Variants in INSL6 observed in about 807,000 individuals in gnomAD.
The protein encoded by INSL6 is insulin-like peptide INSL6.
In INSL6, 16 loss-of-function variants were observed where a neutral mutation model predicts 9.4. The ratio of observed to expected loss-of-function variants is 1.70; its 90% CI spans 1.15 to 2.59. INSL6 has a LOEUF of 2.59. INSL6 is among the 30% of genes most tolerant of loss of function. The probability of loss-of-function intolerance (pLI) is 0.00; values close to 1 mark genes in which losing one functional copy is unlikely to be tolerated. For synonymous variants in INSL6, 154 were observed against 96.9 expected, an observed-to-expected ratio of 1.59 and a Z score of -3.46; for missense variants, 391 against 257.3, an observed-to-expected ratio of 1.52 and a Z score of -3.56.
chr9:5,149,075 C>T (rs1824659995), intron 2 of INSL6, among the ~76,000 whole-genome samples: 1 of 152,202 alleles, frequency 6.6e-6, no homozygotes, highest in Non-Finnish European at 1.5e-5. Context: ...AGTCAAAGGT[C>T]CCTAGCTCTG....
chr9:5,024,120 G>A, the INSL6 span, among the ~76,000 whole-genome samples: 1 of 152,220 alleles, frequency 6.6e-6, no homozygotes, highest in Middle Eastern at 3.4e-3. Flanking sequence ...GCCAGGTGTG[G>A]TGGTGGGCAC....
At chr9:5,029,820 G>C in the INSL6 span, 1 of 1,611,092 alleles carries the variant, frequency 6.2e-7, no homozygotes, top group Admixed American at 1.7e-5. Context: ...TTGCTTTAAT[G>C]AGTGAAACAG....
At chr9:5,010,286 A>G in the INSL6 span, among the ~76,000 whole-genome samples, 1 of 149,948 alleles carries the variant, frequency 6.7e-6, no homozygotes, top group African/African-American at 2.4e-5. Flanking sequence ...TTTAAGCCCT[A>G]CCATACACCG....
At chr9:5,042,373 A>G in the INSL6 span, among the ~76,000 whole-genome samples, 302 of 150,852 alleles carry the variant, frequency 2.0e-3, no homozygotes, top group Non-Finnish European at 2.8e-3. Context: ...TCCTGACCTC[A>G]TGATCCACCC....
At chr9:4,998,463 G>C in the INSL6 span, among the ~76,000 whole-genome samples, 1 of 151,994 alleles carries the variant, frequency 6.6e-6, no homozygotes, top group South Asian at 2.1e-4. Context: ...CACCATGTTG[G>C]TCAGGCTGGT....
At chr9:5,145,454 G>C (rs1824584013) in intron 2 of INSL6, among the ~76,000 whole-genome samples, 1 of 152,138 alleles carries the variant, frequency 6.6e-6, no homozygotes, top group Non-Finnish European at 1.5e-5. Context: ...TCTTCTTGTG[G>C]AGTATCTTAC....
At chr9:5,135,813 A>G (rs766152991) in intron 2 of INSL6, among the ~76,000 whole-genome samples, 16 of 151,326 alleles carry the variant, frequency 1.1e-4, no homozygotes, top group Non-Finnish European at 1.9e-4. Context: ...AAACCCTTCA[A>G]AAAAAATCAA....
downstream of INSL6, among the ~76,000 whole-genome samples, chr9:5,121,587 T>C (rs577010284): frequency 6.6e-6 from 1 of 152,144 alleles, no homozygotes; most frequent in East Asian, 1.9e-4. Flanking sequence ...TCCCAAGAGA[T>C]AGTTACACGT....
chr9:5,167,531 C>T (rs1586872900), intron 1 of INSL6, among the ~76,000 whole-genome samples: 1 of 152,330 alleles, frequency 6.6e-6, no homozygotes, highest in East Asian at 1.9e-4. Flanking sequence ...GGTGGGACTC[C>T]AATCCATTCC....
chr9:5,012,879 T>G, the INSL6 span, among the ~76,000 whole-genome samples: 6 of 152,060 alleles, frequency 3.9e-5, no homozygotes, highest in African/African-American at 1.2e-4. Context: ...TGTGGGAGAT[T>G]AGGTTATTGG....
chr9:5,071,750 C>A, the INSL6 span, among the ~76,000 whole-genome samples: 1 of 152,164 alleles, frequency 6.6e-6, no homozygotes, highest in African/African-American at 2.4e-5. Context: ...TAAAGACAAG[C>A]ATCTTCATGT....
the INSL6 span, among the ~76,000 whole-genome samples, chr9:5,080,892 C>CT: frequency 5.7e-3 from 544 of 95,580 alleles, 6 homozygotes; most frequent in Non-Finnish European, 8.1e-3. Context: ...AAGACCTTTT[C>CT]TTTTTTTTTT....
the INSL6 span, among the ~76,000 whole-genome samples, chr9:5,020,648 C>A: frequency 6.6e-6 from 1 of 152,180 alleles, no homozygotes; most frequent in Admixed American, 6.5e-5. Context: ...TGCATTTTGA[C>A]ACCTAGCGGC....
chr9:5,002,267 C>T, the INSL6 span, among the ~76,000 whole-genome samples: 1 of 151,960 alleles, frequency 6.6e-6, no homozygotes, highest in African/African-American at 2.4e-5. Flanking sequence ...TCTTTTCCAT[C>T]ATAAGCATTT....
the INSL6 span, among the ~76,000 whole-genome samples, chr9:5,035,593 A>AT: frequency 6.6e-4 from 100 of 152,370 alleles, 1 homozygote; most frequent in East Asian, 0.016. Flanking sequence ...GCAAATCAAT[A>AT]AACGTAATCC....
chr9:5,041,289 G>T, the INSL6 span: 5 of 971,212 alleles, frequency 5.1e-6, no homozygotes, highest in African/African-American at 6.4e-5. Context: ...GGGTACACTG[G>T]TCTCAGGACC....
chr9:5,061,536 C>T, the INSL6 span, among the ~76,000 whole-genome samples: 1 of 152,222 alleles, frequency 6.6e-6, no homozygotes. Flanking sequence ...AACTTTTCTT[C>T]TGCAGCTTCC....
intron 1 of INSL6, among the ~76,000 whole-genome samples, chr9:5,167,125 C>T (rs890349044): frequency 3.9e-5 from 6 of 152,180 alleles, no homozygotes; most frequent in Non-Finnish European, 7.3e-5. Context: ...CACAGTGGAG[C>T]TAGGGCCCAC....
chr9:5,022,178 C>T, the INSL6 span: 2 of 1,614,044 alleles, frequency 1.2e-6, no homozygotes, highest in Non-Finnish European at 1.7e-6. Context: ...GAGTATGTTG[C>T]AGAAGAAATC....
Sources: allele counts gnomAD v4.1 joint callset (sites outside exome capture counted in the v4.1 genomes callset), GRCh38; gene constraint gnomAD v4.1.1; transcripts MANE v1.5; gene names NCBI Gene and HGNC (gene_info 2026-07-23, HGNC 2026-07-21).